CLVS1: variants seen among roughly 807,000 people sequenced by gnomAD.
CLVS1 encodes the protein clavesin 1.
A neutral mutation model predicts 33.1 loss-of-function variants in CLVS1; 10 were observed. The observed-to-expected ratio is 0.30, with a 90% confidence interval of 0.19 to 0.51. The LOEUF is 0.51. Among genes scored for constraint, CLVS1 ranks in the 20% least tolerant of loss-of-function variants. The pLI is 0.97. For synonymous variants in CLVS1, 163 were observed against 166.1 expected (o/e 0.98, Z 0.14); for missense variants, 343 against 433.4 (o/e 0.79, Z 1.85).
At chr8:61,046,705 G>A in the CLVS1 span, among the ~76,000 whole-genome samples, 841 of 151,998 alleles carry the variant, frequency 5.5e-3, 6 homozygotes, top group African/African-American at 0.019. Flanking sequence ...GGTCCTTCAC[G>A]TCCCTTGTAA....
chr8:61,176,433 A>C (rs1361372016), intron 2 of CLVS1, among the ~76,000 whole-genome samples: 1 of 152,230 alleles, frequency 6.6e-6, no homozygotes, highest in Non-Finnish European at 1.5e-5. Context: ...AGCTGAGTCC[A>C]GTCCAAGTTA....
intron 3 of CLVS1, among the ~76,000 whole-genome samples, chr8:61,415,891 T>A (rs1333070656): frequency 1.3e-5 from 2 of 152,192 alleles, no homozygotes; most frequent in East Asian, 3.9e-4. Context: ...ATACATTAAT[T>A]TGTGCATGAA....
At chr8:61,390,078 A>G (rs997068838) in intron 3 of CLVS1, among the ~76,000 whole-genome samples, 1 of 152,200 alleles carries the variant, frequency 6.6e-6, no homozygotes, top group African/African-American at 2.4e-5. Context: ...CTTCAGCTTG[A>G]AAAGTCCTAT....
At chr8:61,421,425 G>T (rs1323121118) in intron 3 of CLVS1, among the ~76,000 whole-genome samples, 1 of 152,182 alleles carries the variant, frequency 6.6e-6, no homozygotes, top group African/African-American at 2.4e-5. Context: ...CATGTGTGGG[G>T]TGTTTCTCCA....
At position 61,376,657 on chromosome 8, in the gene CLVS1, A is replaced by T. The variant is rs1184899663; in HGVS notation, c.508A>T (p.Ile170Phe). The T allele has an allele frequency of 6.2e-7, 1 of 1,614,008 alleles. No individual in the cohort carries two copies. Among genetic ancestry groups the T allele is most frequent in the African/African-American group, 1.3e-5 (1 of 74,922 alleles). ...CATCCTGCTGTCATTGGAAGTCCTA[A>T]TCGAAGATCCGGAGCTTCAGATAAA... is the stretch of plus-strand genomic sequence containing the variant. The part of the protein sequence containing the change: ...RAILLSLEVL[I>F]EDPELQINGF... The change falls in exon 3 of 6, where the codon ATC becomes TTC. Residue 170 changes from isoleucine to phenylalanine, a missense_variant. Coordinates refer to ENST00000325897, the MANE Select transcript of CLVS1 (RefSeq NM_173519.3).
chr8:60,974,789 A>AG, the CLVS1 span, among the ~76,000 whole-genome samples: 1 of 152,192 alleles, frequency 6.6e-6, no homozygotes, highest in South Asian at 2.1e-4. Context: ...AAAAAAAAAA[A>AG]AAAAGAATTG....
intron 2 of CLVS1, among the ~76,000 whole-genome samples, chr8:61,232,257 C>T (rs889295365): frequency 3.3e-5 from 5 of 151,682 alleles, no homozygotes; most frequent in Admixed American, 6.6e-5. Flanking sequence ...AGGACGGTCT[C>T]GATCTCCTGA....
chr8:61,122,951 CAA>C (rs1284972646), intron 1 of CLVS1, among the ~76,000 whole-genome samples: 2 of 143,738 alleles, frequency 1.4e-5, no homozygotes, highest in African/African-American at 5.1e-5. Context: ...CTGGTAAAAA[CAA>C]AAGAGTTATC....
chr8:61,060,892 C>T (rs1804570805), intron 1 of CLVS1, among the ~76,000 whole-genome samples: 1 of 152,166 alleles, frequency 6.6e-6, no homozygotes, highest in African/African-American at 2.4e-5. Context: ...ACAAACTCTG[C>T]TGCCTTTCAT....
At chr8:61,492,995 A>G (rs1804146024) in intron 5 of CLVS1, among the ~76,000 whole-genome samples, 1 of 152,206 alleles carries the variant, frequency 6.6e-6, no homozygotes, top group Non-Finnish European at 1.5e-5. Flanking sequence ...GCATTATAGT[A>G]GAAAGAAACG....
intron 2 of CLVS1, among the ~76,000 whole-genome samples, chr8:61,234,532 G>A (rs1392712942): frequency 3.9e-5 from 6 of 152,126 alleles, no homozygotes; most frequent in African/African-American, 1.4e-4. Context: ...ATCAAGATGA[G>A]GCACATATTG....
At chr8:61,288,339 C>A in intron 1 of CLVS1, 1 of 449,888 alleles carries the variant, frequency 2.2e-6, no homozygotes. Flanking sequence ...GGCGCCCGCT[C>A]AGCCTGCGCC....
At position 61,485,062 on chromosome 8, in the gene CLVS1, A is replaced by G. The variant is rs191578607; in HGVS notation, c.978-14393A>G. ...AGGACTTCTTGACTAAAACACCAAA[A>G]GCAATGGCAACAAAAGCCAAAATTG... On this transcript the variant is annotated intron_variant, in intron 5 of 5. Coordinates refer to ENST00000325897, the MANE Select transcript of CLVS1 (RefSeq NM_173519.3). Among the ~76,000 whole-genome samples, 1,457 of 152,330 alleles carry G rather than the reference A, an allele frequency of 9.6e-3. 11 individuals are homozygous for G. Among genetic ancestry groups the G allele is most frequent in the African/African-American group, 0.033 (1,391 of 41,566 alleles).
intron 1 of CLVS1, among the ~76,000 whole-genome samples, chr8:61,112,486 AT>A (rs1805646962): frequency 6.6e-6 from 1 of 152,178 alleles, no homozygotes; most frequent in African/African-American, 2.4e-5. Context: ...AACTTTCCAC[AT>A]TTTTACAAGT....
intron 2 of CLVS1, among the ~76,000 whole-genome samples, chr8:61,171,312 A>T (rs1199562735): frequency 6.6e-6 from 1 of 152,220 alleles, no homozygotes; most frequent in Non-Finnish European, 1.5e-5. Flanking sequence ...GAAATTAATC[A>T]GTATAAAAAG....
At chr8:61,086,427 T>A (rs942785764) in intron 1 of CLVS1, among the ~76,000 whole-genome samples, 3 of 152,216 alleles carry the variant, frequency 2.0e-5, no homozygotes, top group Admixed American at 2.0e-4. Context: ...AATAGTTTTC[T>A]GCACAAACAT....
At chr8:61,371,132 T>C (rs1813423420) in intron 2 of CLVS1, among the ~76,000 whole-genome samples, 2 of 152,198 alleles carry the variant, frequency 1.3e-5, no homozygotes. Context: ...AAGCGTTCCC[T>C]TTTCACCACA....
the CLVS1 span, among the ~76,000 whole-genome samples, chr8:60,995,672 A>G: frequency 6.6e-6 from 1 of 152,226 alleles, no homozygotes; most frequent in Non-Finnish European, 1.5e-5. Context: ...GTATATACCC[A>G]AAGGACTATA....
chr8:61,299,430 A>G (rs1035329160), intron 1 of CLVS1, among the ~76,000 whole-genome samples: 1 of 152,222 alleles, frequency 6.6e-6, no homozygotes, highest in Non-Finnish European at 1.5e-5. Flanking sequence ...TACGTTAACT[A>G]GTCAATGGAA....
Sources: gnomAD v4.1 joint callset for allele counts (sites outside exome capture counted in the v4.1 genomes callset) on GRCh38, gnomAD v4.1.1 for gene constraint, MANE v1.5 for transcripts, NCBI Gene and HGNC (gene_info 2026-07-23, HGNC 2026-07-21) for gene names.